The following COPZ2 variants were observed in gnomAD, a reference collection of about 807,000 sequenced individuals.
COPZ2 encodes coatomer subunit zeta-2.
A neutral mutation model predicts 33.2 loss-of-function variants in COPZ2; 30 were observed. That is an observed-to-expected ratio of 0.90 (90% confidence interval 0.68 to 1.23). The LOEUF (loss-of-function observed/expected upper bound fraction) is 1.23. Among genes scored for constraint, COPZ2 ranks in the 50% most tolerant of loss-of-function variants. The pLI is 0.00. For missense variants in COPZ2, 263 were observed against 262.4 expected, an observed-to-expected ratio of 1.00 and a Z score of -0.02; for synonymous variants, 89 against 102.6, an observed-to-expected ratio of 0.87 and a Z score of 0.80.
the COPZ2 span, chr17:48,045,582 A>C: frequency 6.6e-6 from 1 of 152,404 alleles, no homozygotes; most frequent in Non-Finnish European, 1.5e-5. Context: ...CGTGTGCTTT[A>C]GACCTAACCC....
upstream of COPZ2, among the ~76,000 whole-genome samples, chr17:48,041,887 C>T (rs1369573167): frequency 6.7e-6 from 1 of 150,088 alleles, no homozygotes; most frequent in African/African-American, 2.5e-5. Context: ...CTCTGTTTGG[C>T]TATGGTACCC....
chr17:48,029,565 G>A (rs2036861969), intron 6 of COPZ2: 2 of 275,968 alleles, frequency 7.2e-6, no homozygotes, highest in African/African-American at 5.0e-5. Flanking sequence ...AGGCCCTGGG[G>A]GTTCTTATCT....
the COPZ2 span, chr17:48,046,640 T>A: frequency 9.2e-5 from 14 of 152,250 alleles, 1 homozygote; most frequent in Non-Finnish European, 1.0e-4. Context: ...TAAATATTCC[T>A]CCTTTCTTAT....
upstream of COPZ2, among the ~76,000 whole-genome samples, chr17:48,039,675 A>G (rs1040196005): frequency 6.6e-6 from 1 of 152,060 alleles, no homozygotes; most frequent in Non-Finnish European, 1.5e-5. Flanking sequence ...TAGTTTGTTT[A>G]TAAGTGTTCC....
At chr17:48,038,999 C>T (rs768143761), upstream of COPZ2, among the ~76,000 whole-genome samples, 5 of 152,062 alleles carry the variant, frequency 3.3e-5, no homozygotes, top group East Asian at 1.9e-4. Flanking sequence ...GTTTGAGACA[C>T]GGTCTCACTC....
At chr17:48,026,727 C>T (rs535318565) in intron 8 of COPZ2, among the ~76,000 whole-genome samples, 37 of 152,364 alleles carry the variant, frequency 2.4e-4, no homozygotes, top group African/African-American at 8.4e-4. Flanking sequence ...GCATCTGCAG[C>T]GTGGGTGTGG....
At chr17:48,033,163 T>C (rs2036919251) in intron 4 of COPZ2, 48 bp downstream of exon 4, 4 of 1,285,098 alleles carry the variant, frequency 3.1e-6, no homozygotes, top group Admixed American at 1.9e-5. Flanking sequence ...AATAACAACA[T>C]TTCCCCATAG....
chr17:48,028,683 C>T lies in COPZ2; in HGVS notation c.547-173G>A, dbSNP rs962515174. The T allele has an allele frequency of 6.5e-6, 4 of 618,724 alleles. No homozygotes were observed. The Admixed American group carries it at 8.7e-5, about 13-fold the overall frequency. The allele number at this position is 618,724 out of a possible 1,614,324, so 38.3% of individuals were successfully genotyped here. Reference sequence around the variant, plus strand: ...AGTCCTGCAGCCTGTCATTTGGAAGCCAGGACCTCTGGGATTGTGCTATGG... The same window carrying T: ...AGTCCTGCAGCCTGTCATTTGGAAGTCAGGACCTCTGGGATTGTGCTATGG... On this transcript the variant is annotated intron_variant, in intron 7 of 8. Coordinates refer to ENST00000621465, the MANE Select transcript of COPZ2 (RefSeq NM_016429.4). The surrounding 1 kb of genome is among the most constrained non-coding windows in gnomAD (Gnocchi z 4.5).
At chr17:48,043,779 A>C in the COPZ2 span, among the ~76,000 whole-genome samples, 29 of 152,334 alleles carry the variant, frequency 1.9e-4, no homozygotes, top group Admixed American at 1.3e-3. Context: ...GGGATGGCCC[A>C]ACTAGTAAGA....
intron 2 of COPZ2, among the ~76,000 whole-genome samples, chr17:48,034,910 C>T (rs1490817327): frequency 7.9e-5 from 12 of 152,060 alleles, no homozygotes; most frequent in African/African-American, 1.4e-4. Flanking sequence ...CGCTTGAACC[C>T]GGGAGGCGGA....
At chr17:48,034,476 C>A (rs998927503) in intron 2 of COPZ2, among the ~76,000 whole-genome samples, 1 of 152,138 alleles carries the variant, frequency 6.6e-6, no homozygotes, top group South Asian at 2.1e-4. Flanking sequence ...CTTTTGGAGT[C>A]CCCTCCTGGT....
intron 2 of COPZ2, among the ~76,000 whole-genome samples, chr17:48,035,965 G>A (rs886924971): frequency 1.3e-5 from 2 of 151,950 alleles, no homozygotes; most frequent in African/African-American, 4.8e-5. Flanking sequence ...ATGTTGTCCA[G>A]GCTGGTTTCG....
intron 6 of COPZ2, 85 bp downstream of exon 6, chr17:48,032,071 G>A (rs1315643504): frequency 1.8e-6 from 2 of 1,127,500 alleles, no homozygotes; most frequent in Non-Finnish European, 2.6e-6. Flanking sequence ...GTTGGTCAGA[G>A]TTCTAGCCAT....
chr17:48,035,063 G>A (rs2036959291), intron 2 of COPZ2, among the ~76,000 whole-genome samples: 3 of 152,222 alleles, frequency 2.0e-5, no homozygotes, highest in Admixed American at 2.0e-4. Context: ...ACTAAGGACG[G>A]TCTGACTGCA....
chr17:48,047,264 T>C, the COPZ2 span: 12 of 152,214 alleles, frequency 7.9e-5, no homozygotes, highest in African/African-American at 2.9e-4. Context: ...CTCTTTGTCC[T>C]ATAGCTGGGA....
intron 2 of COPZ2, among the ~76,000 whole-genome samples, chr17:48,035,728 A>G (rs989429617): frequency 6.6e-6 from 1 of 150,426 alleles, no homozygotes; most frequent in Admixed American, 6.6e-5. Context: ...CTGGCCTTAC[A>G]ACACATTTCT....
At chr17:48,030,155 C>T (rs554848581) in intron 6 of COPZ2, among the ~76,000 whole-genome samples, 37 of 150,174 alleles carry the variant, frequency 2.5e-4, no homozygotes, top group East Asian at 9.9e-4. Context: ...GTAATGGTGG[C>T]GCACGCCTAT....
chr17:48,047,095 A>C, the COPZ2 span: 1 of 152,198 alleles, frequency 6.6e-6, no homozygotes, highest in Non-Finnish European at 1.5e-5. Context: ...GAAAGTACTT[A>C]ATCTGCAAAC....
At chr17:48,031,899 T>C in intron 6 of COPZ2, 1 of 534,386 alleles carries the variant, frequency 1.9e-6, no homozygotes, top group Non-Finnish European at 3.4e-6. Context: ...AAACCCTGCC[T>C]ATTCAACAGT....
Sources: allele counts gnomAD v4.1 joint callset (sites outside exome capture counted in the v4.1 genomes callset), GRCh38; gene constraint gnomAD v4.1.1; non-coding constraint Gnocchi (gnomAD v3.1); transcripts MANE v1.5; gene names NCBI Gene and HGNC (gene_info 2026-07-23, HGNC 2026-07-21).